The following PDE1C variants were observed in gnomAD, a reference collection of about 807,000 sequenced individuals.
PDE1C encodes the protein phosphodiesterase 1C.
Under a neutral mutation model 93.1 loss-of-function variants are expected in PDE1C, and 62 were observed. That is an observed-to-expected ratio of 0.67 (90% CI 0.54 to 0.82). The LOEUF (loss-of-function observed/expected upper bound fraction) is 0.82. Among genes scored for constraint, PDE1C ranks in the 40% least tolerant of loss-of-function variants. The pLI is 0.00. For missense variants in PDE1C, 742 were observed against 884.6 expected (o/e 0.84, Z 2.04); for synonymous variants, 325 against 310.1 (o/e 1.05, Z -0.50).
At chr7:32,014,559 C>T (rs1203769604) in intron 2 of PDE1C, among the ~76,000 whole-genome samples, 2 of 152,128 alleles carry the variant, frequency 1.3e-5, no homozygotes, top group African/African-American at 4.8e-5. Context: ...CACCTATCAA[C>T]CTGTCATCTA....
chr7:32,298,672 CGAT>C (rs1250457790), exon 1 of PDE1C: 1 of 1,607,502 alleles, frequency 6.2e-7, no homozygotes, highest in East Asian at 2.2e-5. Flanking sequence ...CTGTAGCCAT[CGAT>C]GCTGAAAGTG....
At chr7:32,183,448 C>T (rs980829228) in intron 2 of PDE1C, among the ~76,000 whole-genome samples, 1 of 152,142 alleles carries the variant, frequency 6.6e-6, no homozygotes, top group African/African-American at 2.4e-5. Flanking sequence ...GGTACCAAAA[C>T]AGAGATATAG....
chr7:31,651,152 A>G, the PDE1C span: 6 of 1,613,324 alleles, frequency 3.7e-6, no homozygotes, highest in Middle Eastern at 1.7e-4. Context: ...TGCACAGTCC[A>G]TGAGATGGAA....
At chr7:32,388,678 TAAAAAAAAAA>T (rs5883343) in intron 1 of PDE1C, among the ~76,000 whole-genome samples, 6 of 81,590 alleles carry the variant, frequency 7.4e-5, no homozygotes, top group Non-Finnish European at 1.1e-4. Flanking sequence ...GTCCCATTTC[TAAAAAAAAAA>T]AAAAAAAAAA....
intron 1 of PDE1C, among the ~76,000 whole-genome samples, chr7:32,333,500 C>T (rs190069937): frequency 1.1e-4 from 17 of 152,286 alleles, no homozygotes; most frequent in Non-Finnish European, 1.0e-4. Flanking sequence ...ACTTGGTCTA[C>T]GTGTACATGC....
intron 1 of PDE1C, among the ~76,000 whole-genome samples, chr7:32,066,856 T>C (rs1439151168): frequency 6.6e-6 from 1 of 152,098 alleles, no homozygotes; most frequent in Non-Finnish European, 1.5e-5. Flanking sequence ...AAAGGAAAAA[T>C]GAGGCTCCTC....
intron 12 of PDE1C, among the ~76,000 whole-genome samples, chr7:31,827,414 A>C (rs186886609): frequency 6.6e-6 from 1 of 152,288 alleles, no homozygotes; most frequent in Non-Finnish European, 1.5e-5. Flanking sequence ...TACTAGGTAC[A>C]AAAGTCTACC....
intron 3 of PDE1C, among the ~76,000 whole-genome samples, chr7:32,158,670 T>C (rs1451072610): frequency 6.6e-6 from 1 of 152,176 alleles, no homozygotes; most frequent in Non-Finnish European, 1.5e-5. Flanking sequence ...TTCATCTCTG[T>C]CACAGGCCAG....
At chr7:31,630,378 G>A in the PDE1C span, among the ~76,000 whole-genome samples, 1 of 151,748 alleles carries the variant, frequency 6.6e-6, no homozygotes, top group African/African-American at 2.4e-5. Flanking sequence ...AACAATTTAT[G>A]ATGCAGTTCA....
the PDE1C span, among the ~76,000 whole-genome samples, chr7:31,620,209 C>CACT: frequency 1.3e-5 from 2 of 152,142 alleles, no homozygotes; most frequent in African/African-American, 2.4e-5. Context: ...ACAGCAGTAA[C>CACT]CTCTTCAGAC....
chr7:32,228,382 T>C (rs367715618), intron 1 of PDE1C, among the ~76,000 whole-genome samples: 1 of 152,230 alleles, frequency 6.6e-6, no homozygotes, highest in Non-Finnish European at 1.5e-5. Context: ...GGGACCTGCA[T>C]AGTCCTTGAA....
At chr7:31,979,404 T>C (rs1245818055) in intron 2 of PDE1C, among the ~76,000 whole-genome samples, 3 of 152,210 alleles carry the variant, frequency 2.0e-5, no homozygotes, top group South Asian at 2.1e-4. Context: ...AGTAAATACA[T>C]AGTCATTATT....
chr7:32,248,390 A>T (rs1177156484), intron 1 of PDE1C, among the ~76,000 whole-genome samples: 2 of 152,240 alleles, frequency 1.3e-5, no homozygotes, highest in Non-Finnish European at 2.9e-5. Flanking sequence ...CCAGATTCCC[A>T]GCCTTGAATG....
chr7:32,419,752 T>A (rs1785353156), intron 1 of PDE1C, among the ~76,000 whole-genome samples: 1 of 151,964 alleles, frequency 6.6e-6, no homozygotes, highest in African/African-American at 2.4e-5. Flanking sequence ...CAAAAGAGCA[T>A]GCCTCTTGCG....
intron 2 of PDE1C, among the ~76,000 whole-genome samples, chr7:32,186,558 T>C (rs1803897747): frequency 6.6e-6 from 1 of 152,168 alleles, no homozygotes; most frequent in African/African-American, 2.4e-5. Context: ...TTTTTAGTGG[T>C]GGTGTCGCTT....
chr7:32,226,492 A>G (rs1334952923), intron 1 of PDE1C, among the ~76,000 whole-genome samples: 2 of 152,234 alleles, frequency 1.3e-5, no homozygotes, highest in Non-Finnish European at 2.9e-5. Context: ...GGTAATGATT[A>G]GTATAATGAG....
chr7:31,665,018 G>A, the PDE1C span, among the ~76,000 whole-genome samples: 1 of 152,150 alleles, frequency 6.6e-6, no homozygotes, highest in Non-Finnish European at 1.5e-5. Flanking sequence ...AATCTGCAAA[G>A]TGTTACATGA....
chr7:31,675,466 C>A, the PDE1C span, among the ~76,000 whole-genome samples: 1 of 152,030 alleles, frequency 6.6e-6, no homozygotes, highest in Non-Finnish European at 1.5e-5. Context: ...AGCTGGCTTG[C>A]CCCAACATCC....
intron 1 of PDE1C, among the ~76,000 whole-genome samples, chr7:32,218,853 C>T (rs1806627493): frequency 6.6e-6 from 1 of 152,314 alleles, no homozygotes; most frequent in South Asian, 2.1e-4. Context: ...TCCATTACAC[C>T]AAGATCAAAC....
Sources: gnomAD v4.1 joint callset for allele counts (sites outside exome capture counted in the v4.1 genomes callset) on GRCh38, gnomAD v4.1.1 for gene constraint, MANE v1.5 for transcripts, NCBI Gene and HGNC (gene_info 2026-07-23, HGNC 2026-07-21) for gene names.